The following ESR1 variants were observed in gnomAD, a reference collection of about 807,000 sequenced individuals.
ESR1 encodes estrogen receptor.
ESR1 carries 12 observed loss-of-function variants against 52.7 expected under a neutral mutation model. The ratio of observed to expected loss-of-function variants is 0.23; its 90% CI spans 0.15 to 0.37. ESR1 has a LOEUF of 0.37. Among genes scored for constraint, ESR1 ranks in the 10% least tolerant of loss-of-function variants. The probability of loss-of-function intolerance (pLI) is 1.00; values close to 1 mark genes in which losing one functional copy is unlikely to be tolerated. For missense variants in ESR1, 584 were observed against 779.7 expected (o/e 0.75, Z 2.99); for synonymous variants, 305 against 316.8 (o/e 0.96, Z 0.39).
At chr6:152,072,523 C>T (rs910819299) in intron 6 of ESR1, among the ~76,000 whole-genome samples, 2 of 152,140 alleles carry the variant, frequency 1.3e-5, no homozygotes, top group African/African-American at 2.4e-5. Context: ...CTACTGGACA[C>T]GGGACTGAAC....
At chr6:151,725,454 AT>A (rs1331253334) in intron 2 of ESR1, among the ~76,000 whole-genome samples, 2 of 152,100 alleles carry the variant, frequency 1.3e-5, no homozygotes, top group Non-Finnish European at 2.9e-5. Context: ...ATGTTCTTTG[AT>A]TTGAGACTAT....
intron 1 of ESR1, among the ~76,000 whole-genome samples, chr6:151,690,986 A>G (rs953664131): frequency 2.0e-5 from 3 of 152,232 alleles, no homozygotes; most frequent in African/African-American, 7.2e-5. Context: ...TATTGGATCT[A>G]GCACTAGCTA....
chr6:151,847,706 T>C (rs1583637686), intron 2 of ESR1, among the ~76,000 whole-genome samples: 1 of 129,840 alleles, frequency 7.7e-6, no homozygotes, highest in South Asian at 2.9e-4. Flanking sequence ...TTCACTCTGA[T>C]GGTAGTTTCT....
Position 152,102,919 on chromosome 6 carries a change from C to A in ESR1, c.*3953C>A. 4.5e-6 allele frequency: 1 copy of A among 224,684 alleles called. No individual in the cohort carries two copies. Among genetic ancestry groups the A allele is most frequent in the East Asian group, 6.5e-5 (1 of 15,488 alleles). The allele number at this position is 224,684 out of a possible 1,614,324, so 13.9% of individuals were successfully genotyped here. ...GGTGCCTGAGACACAGACCCCTTTG[C>A]ATTCACAGAGAGGTCATTGGTTATA... On this transcript the variant is annotated 3_prime_UTR_variant, in exon 8 of 8. Coordinates refer to ENST00000206249, the MANE Select transcript of ESR1 (RefSeq NM_000125.4).
At chr6:151,686,493 G>A (rs922659987), upstream of ESR1, among the ~76,000 whole-genome samples, 1 of 152,118 alleles carries the variant, frequency 6.6e-6, no homozygotes, top group Non-Finnish European at 1.5e-5. Flanking sequence ...AGACCATCCC[G>A]GCTAACATGG....
Position 152,101,360 on chromosome 6 carries a change from T to TA in ESR1, c.*2401dup, listed in dbSNP as rs1003983164. On this transcript the variant is annotated 3_prime_UTR_variant, in exon 8 of 8. Transcript: ENST00000206249. ...TAATGTTTATACTTAGATTTTCTTT[T>TA]AAAAAAATTAAAATAAAACAAAAAA... 3 of 232,502 alleles carry TA rather than the reference T, an allele frequency of 1.3e-5. No homozygotes were observed. Among genetic ancestry groups the TA allele is most frequent in the East Asian group, 6.1e-5 (1 of 16,356 alleles). 14.4% of individuals were successfully genotyped at this position (232,502 alleles called of 1,614,324 possible).
chr6:152,038,046 C>T (rs1244602437), intron 5 of ESR1, among the ~76,000 whole-genome samples: 1 of 152,106 alleles, frequency 6.6e-6, no homozygotes. Context: ...GTCTGAGTCC[C>T]AAAACCTCAA....
upstream of ESR1, among the ~76,000 whole-genome samples, chr6:151,803,631 G>A (rs1414809818): frequency 2.0e-5 from 3 of 152,126 alleles, no homozygotes; most frequent in African/African-American, 7.2e-5. Context: ...CAGGTTGCAG[G>A]GTTTAGGATG....
intron 4 of ESR1, among the ~76,000 whole-genome samples, chr6:151,995,442 A>C: frequency 6.6e-6 from 1 of 152,146 alleles, no homozygotes; most frequent in East Asian, 1.9e-4. Flanking sequence ...ACACAAAAGA[A>C]AATTCTACAC....
chr6:151,853,534 A>G (rs1787277183), intron 2 of ESR1, among the ~76,000 whole-genome samples: 3 of 152,168 alleles, frequency 2.0e-5, no homozygotes, highest in African/African-American at 2.4e-5. Flanking sequence ...TGGCTAAGTC[A>G]TCTTTATCTT....
intron 6 of ESR1, among the ~76,000 whole-genome samples, chr6:152,113,768 C>T (rs1161128649): frequency 1.3e-5 from 2 of 152,128 alleles, no homozygotes; most frequent in African/African-American, 4.8e-5. Context: ...GTCCCTCAGT[C>T]CTCATCAACA....
At chr6:151,801,468 C>T (rs1014505697), upstream of ESR1, among the ~76,000 whole-genome samples, 5 of 152,232 alleles carry the variant, frequency 3.3e-5, no homozygotes, top group East Asian at 1.9e-4. Context: ...GTCATGCTGC[C>T]TGACAACCAA....
intron 5 of ESR1, among the ~76,000 whole-genome samples, chr6:152,012,590 G>A (rs963559764): frequency 3.3e-5 from 5 of 152,154 alleles, no homozygotes; most frequent in Admixed American, 3.3e-4. Flanking sequence ...TCACTAAATG[G>A]TGGAGCCAGA....
intron 5 of ESR1, among the ~76,000 whole-genome samples, chr6:152,045,724 G>A (rs2046180830): frequency 6.6e-6 from 1 of 152,202 alleles, no homozygotes; most frequent in South Asian, 2.1e-4. Flanking sequence ...ACTATTGTTA[G>A]TGTTGGTGGT....
intron 2 of ESR1, among the ~76,000 whole-genome samples, chr6:151,845,107 A>G (rs1387936625): frequency 3.0e-4 from 46 of 152,196 alleles, no homozygotes; most frequent in Admixed American, 3.0e-3. Flanking sequence ...AGATAAAATT[A>G]TATAAATTCC....
chr6:151,969,216 C>T (rs1434725913), intron 4 of ESR1, among the ~76,000 whole-genome samples: 1 of 152,164 alleles, frequency 6.6e-6, no homozygotes, highest in African/African-American at 2.4e-5. Flanking sequence ...TGTGCCAATC[C>T]ATCCCATCTG....
In ESR1 at chr6:151,667,998, G is replaced by A. The variant is rs1041406229; in HGVS notation, n.73+11235G>A. Among the ~76,000 whole-genome samples, 8 of 152,362 alleles carry A rather than the reference G, an allele frequency of 5.3e-5. No individual in the cohort carries two copies. The East Asian group carries it at 5.8e-4, about 11-fold the overall frequency. ...TCAGACTCCAAGGATCATATAATCT[G>A]ATTGTGGAAGAAAGGCATATTCATC... On this transcript the variant is annotated intron_variant and non_coding_transcript_variant, in intron 1 of 2. Coordinates refer to the ESR1 transcript ENST00000473497.
intron 5 of ESR1, among the ~76,000 whole-genome samples, chr6:152,019,635 A>G (rs2043457410): frequency 6.6e-6 from 1 of 152,174 alleles, no homozygotes; most frequent in Non-Finnish European, 1.5e-5. Context: ...TTTATTATTA[A>G]CTGAATTTAT....
At chr6:152,069,722 T>A (rs9341028) in intron 6 of ESR1, among the ~76,000 whole-genome samples, 4,599 of 135,806 alleles carry the variant, frequency 0.034, 1,385 homozygotes, top group African/African-American at 0.15. Context: ...CCCTATGAGG[T>A]TCTAATGCCA....
Sources: gnomAD v4.1 joint callset for allele counts (sites outside exome capture counted in the v4.1 genomes callset) on GRCh38, gnomAD v4.1.1 for gene constraint, MANE v1.5 for transcripts, NCBI Gene and HGNC (gene_info 2026-07-23, HGNC 2026-07-21) for gene names.